Variants in LRRC37B observed in about 807,000 individuals in gnomAD.
The protein encoded by LRRC37B is leucine-rich repeat-containing protein 37B.
LRRC37B carries 28 observed loss-of-function variants against 98.3 expected under a neutral mutation model. That is an observed-to-expected ratio of 0.28 (90% CI 0.21 to 0.39). The LOEUF is 0.39. Among genes scored for constraint, LRRC37B ranks in the 10% least tolerant of loss-of-function variants. The pLI is 1.00. For missense variants in LRRC37B, 938 were observed against 1,182.7 expected (o/e 0.79, Z 3.03); for synonymous variants, 364 against 442.7 (o/e 0.82, Z 2.23).
intron 7 of LRRC37B, among the ~76,000 whole-genome samples, chr17:32,045,014 TTGTC>T (rs1229160166): frequency 2.0e-5 from 3 of 152,192 alleles, no homozygotes; most frequent in Admixed American, 6.5e-5. Flanking sequence ...GTGATAATCT[TTGTC>T]TGAATCTATT....
At chr17:32,034,593 G>A (rs1346253195) in intron 5 of LRRC37B, among the ~76,000 whole-genome samples, 2 of 151,454 alleles carry the variant, frequency 1.3e-5, no homozygotes, top group Admixed American at 6.6e-5. Flanking sequence ...TACAGAGTCA[G>A]GGCTTCCTAC....
chr17:32,023,829 A>G (rs1413652709), intron 1 of LRRC37B, among the ~76,000 whole-genome samples: 1 of 152,196 alleles, frequency 6.6e-6, no homozygotes, highest in Non-Finnish European at 1.5e-5. Flanking sequence ...CATTAAAATG[A>G]TAGGAGGGAA....
intron 6 of LRRC37B, 111 bp from the exon 10 acceptor site, chr17:32,035,454 T>C: frequency 1.7e-6 from 2 of 1,185,924 alleles, no homozygotes; most frequent in Non-Finnish European, 1.2e-6. Context: ...TGAAGTGGCT[T>C]GTTTTATAGA....
chr17:32,035,421 G>A, intron 6 of LRRC37B, 144 bp from the exon 10 acceptor site: 1 of 858,278 alleles, frequency 1.2e-6, no homozygotes, highest in Non-Finnish European at 1.8e-6. Flanking sequence ...GATCTCTCTG[G>A]AATTTTACGG....
upstream of LRRC37B, among the ~76,000 whole-genome samples, chr17:32,018,693 A>G (rs1399306074): frequency 1.3e-5 from 2 of 152,146 alleles, no homozygotes; most frequent in African/African-American, 4.8e-5. Flanking sequence ...AACTGGCCTT[A>G]AGACTGATTG....
intron 5 of LRRC37B, among the ~76,000 whole-genome samples, 169 bp from the exon 9 acceptor site, chr17:32,034,741 T>C (rs944065602): frequency 6.6e-6 from 1 of 151,944 alleles, no homozygotes; most frequent in African/African-American, 2.4e-5. Flanking sequence ...GAGACCTAGG[T>C]AGTTCCCAAA....
intron 7 of LRRC37B, among the ~76,000 whole-genome samples, chr17:32,039,559 CTATATATATATTTCTATATATATTT>C (rs1911364124): frequency 8.2e-5 from 7 of 85,034 alleles, no homozygotes; most frequent in Non-Finnish European, 1.6e-4. Flanking sequence ...TATATATATT[CTATATATATATTTCTATATATATTT>C]TATATATTTA....
intron 10 of LRRC37B, among the ~76,000 whole-genome samples, chr17:32,049,676 G>A (rs889821692): frequency 2.0e-5 from 3 of 152,072 alleles, no homozygotes; most frequent in African/African-American, 4.8e-5. Flanking sequence ...AGACCAGCTC[G>A]GCCAACGTAG....
rs372944545 is a variant in LRRC37B, at chr17:32,022,127, A to G, written c.1062A>G (p.Gln354=). ...CACTGAATCATGAAGTGACAGTTCA[A>G]CCTCCAGGTGAGGATCAAGCTCATT... The change falls in exon 1 of 12, where the codon CAA becomes CAG. Residue 354 remains glutamine, a synonymous_variant. Transcript: ENST00000327564. 36 of 1,613,378 alleles carry G rather than the reference A, an allele frequency of 2.2e-5. No homozygotes were observed. In the South Asian group the frequency reaches 3.1e-4, roughly 14 times the overall value.
At chr17:32,022,642 A>G in exon 1 of LRRC37B, 2 of 1,614,010 alleles carry the variant, frequency 1.2e-6, no homozygotes, top group Non-Finnish European at 8.5e-7. Context: ...GAATCTTCGC[A>G]GGATTCATTG....
At chr17:32,031,240 A>G (rs923950578) in intron 4 of LRRC37B, 138 bp from the exon 8 acceptor site, 60 of 1,367,564 alleles carry the variant, frequency 4.4e-5, no homozygotes, top group African/African-American at 2.6e-4. Flanking sequence ...ATAAGCCAGT[A>G]TCTTCCACAG....
exon 1 of LRRC37B, chr17:32,021,823 A>T: frequency 1.2e-6 from 2 of 1,614,206 alleles, no homozygotes; most frequent in Non-Finnish European, 1.7e-6. Flanking sequence ...CCAGATGATT[A>T]TTTGAGTATG....
intron 7 of LRRC37B, among the ~76,000 whole-genome samples, chr17:32,038,324 T>C (rs1238530796): frequency 6.6e-6 from 1 of 151,986 alleles, no homozygotes; most frequent in African/African-American, 2.4e-5. Context: ...GCAGGTGCAG[T>C]GGTGCTCACC....
chr17:32,043,666 T>C (rs1243422530), intron 7 of LRRC37B, among the ~76,000 whole-genome samples: 1 of 152,200 alleles, frequency 6.6e-6, no homozygotes, highest in Admixed American at 6.5e-5. Flanking sequence ...GAGGCTTCTA[T>C]TGGACCCAAA....
At chr17:32,052,790 A>T (rs1911795082) in intron 11 of LRRC37B, 1 of 152,120 alleles carries the variant, frequency 6.6e-6, no homozygotes, top group Admixed American at 6.6e-5. Context: ...AAATAAAAAT[A>T]AAAAAATTAG....
chr17:32,008,065 G>A (rs912044194), exon 1 of LRRC37B: 4 of 502,440 alleles, frequency 8.0e-6, no homozygotes, highest in South Asian at 1.9e-5. Flanking sequence ...CCGATTATCC[G>A]GAGGAGCTGG....
chr17:32,016,111 A>C (rs1910644536), upstream of LRRC37B, among the ~76,000 whole-genome samples: 1 of 152,248 alleles, frequency 6.6e-6, no homozygotes, highest in South Asian at 2.1e-4. Context: ...TGACTAGTTC[A>C]TCCAAACAGT....
intron 7 of LRRC37B, among the ~76,000 whole-genome samples, chr17:32,038,235 G>C (rs1391072072): frequency 6.6e-6 from 1 of 152,190 alleles, no homozygotes; most frequent in Admixed American, 6.5e-5. Flanking sequence ...TGAGGCAGGA[G>C]GATTGCTTGA....
Position 32,024,496 on chromosome 17 carries a change from T to C in LRRC37B, c.1761-215T>C, listed in dbSNP as rs199756150. 8.7e-4 allele frequency: 871 copies of C among 1,005,162 alleles called. 11 individuals are homozygous for C. In the East Asian group the frequency reaches 0.02, roughly 23 times the overall value. The allele number at this position is 1,005,162 out of a possible 1,614,324, so 62.3% of individuals were successfully genotyped here. The stretch of plus-strand genomic sequence containing the variant: ...TCCAAGAGATGGGATGGATAGGAAG[T>C]TAAGCTTCCGGGAGATGCCTCATCA... On this transcript the variant is annotated intron_variant, in intron 1 of 11. Coordinates refer to ENST00000327564, the Ensembl canonical transcript of LRRC37B.
Sources: gnomAD v4.1 joint callset for allele counts (sites outside exome capture counted in the v4.1 genomes callset) on GRCh38, gnomAD v4.1.1 for gene constraint, MANE v1.5 for transcripts, NCBI Gene and HGNC (gene_info 2026-07-23, HGNC 2026-07-21) for gene names.